LRRC8A: variants seen among roughly 807,000 people sequenced by gnomAD.
LRRC8A encodes volume-regulated anion channel subunit LRRC8A.
LRRC8A carries 24 observed loss-of-function variants against 52.5 expected under a neutral mutation model. The ratio of observed to expected loss-of-function variants is 0.46; its 90% confidence interval spans 0.33 to 0.64. LRRC8A has a LOEUF of 0.64. LRRC8A is among the 30% of genes least tolerant of loss of function. LRRC8A has a pLI of 0.02. For synonymous variants in LRRC8A, 492 were observed against 494.2 expected, an observed-to-expected ratio of 1.00 and a Z score of 0.06; for missense variants, 677 against 1,094.7, an observed-to-expected ratio of 0.62 and a Z score of 5.38.
chr9:128,906,011 A>G (rs1014388969), intron 2 of LRRC8A, among the ~76,000 whole-genome samples: 2 of 152,110 alleles, frequency 1.3e-5, no homozygotes, highest in African/African-American at 2.4e-5. Flanking sequence ...GAGGGAGGAG[A>G]GCCTTATTCT....
intron 1 of LRRC8A, chr9:128,882,672 C>T (rs1285430442): frequency 1.0e-5 from 4 of 399,058 alleles, no homozygotes; most frequent in Admixed American, 8.8e-5. Context: ...CTGTCTTCTC[C>T]TGAGTTCCTG....
rs1452971656 is a variant in LRRC8A at position 128,886,039 on chromosome 9, G to A, written c.-91G>A. The A allele has an allele frequency of 6.6e-6, 1 of 152,416 alleles. No individual in the cohort carries two copies. Among genetic ancestry groups the A allele is most frequent in the East Asian group, 1.9e-4 (1 of 5,196 alleles). The allele number at this position is 152,416 out of a possible 1,614,324, so 9.4% of individuals were successfully genotyped here. A position where few individuals can be genotyped will look rare whatever the true frequency, so the allele number is the denominator to read the frequency against. On this transcript the variant is annotated 5_prime_UTR_variant, in exon 2 of 4. Coordinates refer to ENST00000372600, the MANE Select transcript of LRRC8A (RefSeq NM_019594.4). ...GGGAGGCAGCGTCCATGGAGCAAAA[G>A]GAATGCCAGGATCCTGCACAGGCAG...
Position 128,904,838 on chromosome 9 carries a change from CAAA to C in LRRC8A, c.-8-2312_-8-2310del, listed in dbSNP as rs755243751. Among the ~76,000 whole-genome samples, 24 of 148,482 alleles carry C rather than the reference CAAA, an allele frequency of 1.6e-4. No individual in the cohort carries two copies. In the East Asian group the frequency reaches 4.6e-3, roughly 28 times the overall value. ...TGAAACCCCGTCTCTACTAAAAATACAAAAAAAAATTAGCCGGGTGTGGTGGGC... is the reference window on the plus strand; with the variant it reads ...TGAAACCCCGTCTCTACTAAAAATACAAAAAATTAGCCGGGTGTGGTGGGC... On this transcript the variant is annotated intron_variant, in intron 2 of 3. Transcript: ENST00000372600.
intron 2 of LRRC8A, among the ~76,000 whole-genome samples, chr9:128,894,187 C>G (rs1363288914): frequency 6.6e-6 from 1 of 151,716 alleles, no homozygotes; most frequent in Non-Finnish European, 1.5e-5. Flanking sequence ...AGCCATCATT[C>G]TTGTTTTAAA....
chr9:128,908,094 T>C lies in LRRC8A; in HGVS notation c.930T>C (p.Cys310=). The C allele has an allele frequency of 6.2e-7, 1 of 1,613,946 alleles. No individual in the cohort carries two copies. Among genetic ancestry groups the C allele is most frequent in the Non-Finnish European group, 8.5e-7 (1 of 1,180,012 alleles). The change falls in exon 3 of 4, where the codon TGT becomes TGC. Residue 310 remains cysteine, a synonymous_variant. Coordinates refer to ENST00000372600, the MANE Select transcript of LRRC8A (RefSeq NM_019594.4). ...ESLTGYRTYR[C]AHPLATLFKI... ...TGACGGGCTACCGCACCTACCGCTG[T>C]GCCCACCCCCTGGCCACACTCTTCA...
intron 2 of LRRC8A, among the ~76,000 whole-genome samples, chr9:128,898,724 C>T (rs1839917421): frequency 6.6e-6 from 1 of 152,250 alleles, no homozygotes; most frequent in Non-Finnish European, 1.5e-5. Context: ...GAGGTGAAGT[C>T]ACCTGCCCAA....
In LRRC8A at chr9:128,908,670, C is replaced by T. The variant is rs1316319355; in HGVS notation, c.1506C>T (p.Phe502=). The T allele has an allele frequency of 1.2e-6, 2 of 1,612,882 alleles. No homozygotes were observed. Among genetic ancestry groups the T allele is most frequent in the Non-Finnish European group, 1.7e-6 (2 of 1,179,958 alleles). Residue 502 remains phenylalanine (F), a synonymous_variant, in exon 3 of 4, where the codon TTC becomes TTT. Transcript: ENST00000372600. ...RENLRALHIK[F]TDIKEIPLWI... ...ACCTGCGGGCGCTGCACATCAAGTT[C>T]ACCGACATCAAGGAGATCCCGCTGT...
chr9:128,916,191 C>G lies in LRRC8A; in HGVS notation c.2253C>G (p.Gly751=). The change falls in exon 4 of 4, where the codon GGC becomes GGG. Residue 751 remains glycine, a synonymous_variant. Transcript: ENST00000372600. This position sits in a 1 kb window ranked among gnomAD's most constrained non-coding sequence, Gnocchi z 6.1. ...TGCAGTCACTGCCCTCCAGGGTGGG[C>G]GAGCTGACCAACCTGACGCAGATCG... The part of the protein sequence containing the change: ...NVLQSLPSRV[G]ELTNLTQIEL... 1 of 1,613,288 alleles carries G rather than the reference C, an allele frequency of 6.2e-7. No individual in the cohort carries two copies. The highest frequency in any genetic ancestry group is 8.5e-7 in the Non-Finnish European group (1 of 1,179,994).
chr9:128,893,658 G>A (rs967678272), intron 2 of LRRC8A, among the ~76,000 whole-genome samples: 1 of 151,992 alleles, frequency 6.6e-6, no homozygotes. Context: ...TGGCAGCTAC[G>A]CATAAATTCT....
At position 128,898,174 on chromosome 9, in the gene LRRC8A, C is replaced by G. The variant is rs147394144; in HGVS notation, c.-8-8983C>G. ...TTATCAAGTGTTTTGTTCTAATGCACTTTTGGGATTGCATAGTATTCCCTT... is the reference window on the plus strand; with the variant it reads ...TTATCAAGTGTTTTGTTCTAATGCAGTTTTGGGATTGCATAGTATTCCCTT... On this transcript the variant is annotated intron_variant, in intron 2 of 3. Coordinates refer to ENST00000372600, the MANE Select transcript of LRRC8A (RefSeq NM_019594.4). Among the ~76,000 whole-genome samples the G allele has an allele frequency of 5.9e-5, 9 of 151,962 alleles. No homozygotes were observed. In the East Asian group the frequency reaches 1.7e-3, roughly 30 times the overall value.
chr9:128,883,226 A>T (rs1291468027), intron 1 of LRRC8A, among the ~76,000 whole-genome samples: 1 of 152,162 alleles, frequency 6.6e-6, no homozygotes, highest in Non-Finnish European at 1.5e-5. Flanking sequence ...TGAGGTGTGG[A>T]GGGAGAGCAC....
chr9:128,899,254 C>T lies in LRRC8A; in HGVS notation c.-8-7903C>T, dbSNP rs559958515. The stretch of plus-strand genomic sequence containing the variant: ...AGGACGCAGTGCCAGCTGAGAGGGC[C>T]GAGCACAGGGAGGATAAGCAAGGGC... On this transcript the variant is annotated intron_variant, in intron 2 of 3. Transcript: ENST00000372600. The surrounding 1 kb of genome is among the most constrained non-coding windows in gnomAD (Gnocchi z 4.0). Among the ~76,000 whole-genome samples, 42 of 152,304 alleles carry T rather than the reference C, an allele frequency of 2.8e-4. No homozygotes were observed. Among genetic ancestry groups the T allele is most frequent in the Middle Eastern group, 3.4e-3 (1 of 294 alleles).
intron 2 of LRRC8A, among the ~76,000 whole-genome samples, chr9:128,894,476 T>TC (rs1396910895): frequency 6.9e-6 from 1 of 143,952 alleles, no homozygotes; most frequent in Non-Finnish European, 1.5e-5. Context: ...AGAGTGAGAC[T>TC]CCATCTCAAA....
intron 3 of LRRC8A, chr9:128,912,931 G>A (rs1243507215): frequency 6.6e-6 from 1 of 152,334 alleles, no homozygotes; most frequent in African/African-American, 2.4e-5. Context: ...GTGGATTGTT[G>A]AGACTGGAGG....
rs1283771961 is a variant in LRRC8A at position 128,907,456 on chromosome 9, A to C, written c.292A>C (p.Lys98Gln). ...PTPDTGPTGI[K>Q]YDLDRHQYNY... ...CCCTGACACGGGCCCCACAGGCATC[A>C]AGTATGACCTGGACCGGCACCAGTA... is the stretch of plus-strand genomic sequence containing the variant. The change falls in exon 3 of 4, where the codon AAG becomes CAG. Residue 98 changes from lysine to glutamine, a missense_variant. Physicochemically the swap from Lys to Gln is moderately conservative, Grantham distance 53. Around this residue, in one of 4 missense-constraint regions of LRRC8A, gnomAD observed 54 missense variants for 49.7 expected, o/e 1.09. Coordinates refer to ENST00000372600, the MANE Select transcript of LRRC8A (RefSeq NM_019594.4). This position sits in a 1 kb window ranked among gnomAD's most constrained non-coding sequence, Gnocchi z 9.3. 1 of 1,613,760 alleles carries C rather than the reference A, an allele frequency of 6.2e-7. No homozygotes were observed. Among genetic ancestry groups the C allele is most frequent in the Non-Finnish European group, 8.5e-7 (1 of 1,180,024 alleles).
chr9:128,883,860 G>A (rs2130917324), intron 1 of LRRC8A, among the ~76,000 whole-genome samples: 1 of 152,286 alleles, frequency 6.6e-6, no homozygotes, highest in Non-Finnish European at 1.5e-5. Flanking sequence ...CGTAATCCCA[G>A]CTATTCGGGA....
intron 2 of LRRC8A, among the ~76,000 whole-genome samples, chr9:128,886,511 T>A (rs1178907582): frequency 3.9e-5 from 6 of 152,164 alleles, no homozygotes; most frequent in Non-Finnish European, 8.8e-5. Flanking sequence ...AACAAAGACT[T>A]CTTGTTATCC....
chr9:128,909,429 A>T, intron 3 of LRRC8A, 108 bp downstream of exon 3: 1 of 1,075,638 alleles, frequency 9.3e-7, no homozygotes, highest in Non-Finnish European at 1.4e-6. Flanking sequence ...GATGCCCCTG[A>T]GTGTGGAGTC....
intron 2 of LRRC8A, among the ~76,000 whole-genome samples, chr9:128,893,972 G>C (rs556328036): frequency 6.6e-6 from 1 of 151,924 alleles, no homozygotes. Flanking sequence ...TGCGCCTCCC[G>C]GGTTCAAGTG....
Sources: allele counts gnomAD v4.1 joint callset (sites outside exome capture counted in the v4.1 genomes callset), GRCh38; gene constraint gnomAD v4.1.1; regional missense constraint gnomAD v4.1.1; non-coding constraint Gnocchi (gnomAD v3.1); transcripts MANE v1.5; gene names NCBI Gene and HGNC (gene_info 2026-07-23, HGNC 2026-07-21).